The following TULP4 variants were observed in gnomAD, a reference collection of about 807,000 sequenced individuals.
The protein encoded by TULP4 is tubby-related protein 4.
In TULP4, 16 loss-of-function variants were observed where a neutral mutation model predicts 129.0. The ratio of observed to expected loss-of-function variants is 0.12; its 90% CI spans 0.08 to 0.19. TULP4 has a LOEUF of 0.19. Ranked by LOEUF, TULP4 falls within the 10% of genes least tolerant of loss-of-function variation. The pLI is 1.00. For missense variants in TULP4, 1,842 were observed against 2,059.1 expected (o/e 0.89, Z 2.04); for synonymous variants, 998 against 854.0 (o/e 1.17, Z -2.94).
intron 5 of TULP4, among the ~76,000 whole-genome samples, chr6:158,452,710 G>A (rs528121661): frequency 2.0e-5 from 3 of 152,352 alleles, no homozygotes; most frequent in African/African-American, 4.8e-5. Flanking sequence ...ATCACTGTGC[G>A]ATAAAGTTAC....
At chr6:158,376,849 G>A (rs1430508073) in intron 1 of TULP4, among the ~76,000 whole-genome samples, 1 of 152,242 alleles carries the variant, frequency 6.6e-6, no homozygotes, top group African/African-American at 2.4e-5. Flanking sequence ...AGTAGCTGCG[G>A]CAGCCATCCC....
chr6:158,319,915 G>T (rs541881734), intron 1 of TULP4, among the ~76,000 whole-genome samples: 2 of 152,242 alleles, frequency 1.3e-5, no homozygotes, highest in East Asian at 3.9e-4. Flanking sequence ...TATGTTAATG[G>T]TTCTAATCAG....
chr6:158,415,394 G>T (rs1778185088), intron 2 of TULP4, among the ~76,000 whole-genome samples: 2 of 145,318 alleles, frequency 1.4e-5, no homozygotes, highest in South Asian at 4.4e-4. Flanking sequence ...CTGTCGCCCA[G>T]GCTGGAGTGC....
At chr6:158,446,370 A>G (rs1277251356) in intron 3 of TULP4, among the ~76,000 whole-genome samples, 2 of 152,306 alleles carry the variant, frequency 1.3e-5, no homozygotes, top group South Asian at 2.1e-4. Context: ...GTAATTCATT[A>G]ATGGTAGTGG....
intron 1 of TULP4, among the ~76,000 whole-genome samples, chr6:158,319,237 C>T (rs1004620831): frequency 1.3e-5 from 2 of 152,008 alleles, no homozygotes; most frequent in Admixed American, 1.3e-4. Flanking sequence ...CAGGAGCTCC[C>T]CTTGTAGGAC....
intron 6 of TULP4, among the ~76,000 whole-genome samples, chr6:158,475,613 C>G (rs945447530): frequency 1.3e-5 from 2 of 152,132 alleles, no homozygotes; most frequent in African/African-American, 4.8e-5. Context: ...GCCTAGTAGG[C>G]GGAGGTTCTT....
chr6:158,298,154 G>C (rs1347485792), intron 1 of TULP4, among the ~76,000 whole-genome samples: 1 of 152,140 alleles, frequency 6.6e-6, no homozygotes, highest in African/African-American at 2.4e-5. Context: ...CCTTATGGTT[G>C]TCTTCCCTTG....
rs2011305 is a variant in TULP4 at position 158,405,307 on chromosome 6, G to A, written c.253-7758G>A. Among the ~76,000 whole-genome samples, 1,009 of 152,286 alleles carry A rather than the reference G, an allele frequency of 6.6e-3. 7 individuals carry two copies. The highest frequency in any genetic ancestry group is 0.022 in the African/African-American group (918 of 41,546). ...GGGTGATCAGACCCAACACCAGGTC[G>A]TGGGGGTGACGAAGTCCAGCGGAGT... On this transcript the variant is annotated intron_variant, in intron 1 of 13. Transcript: ENST00000367097.
chr6:158,326,987 G>A (rs572009731), intron 1 of TULP4, among the ~76,000 whole-genome samples: 2 of 152,234 alleles, frequency 1.3e-5, no homozygotes, highest in Admixed American at 6.5e-5. Flanking sequence ...GGCTGACTGC[G>A]GGATTTGAGT....
intron 2 of TULP4, among the ~76,000 whole-genome samples, chr6:158,426,958 A>G (rs1364171612): frequency 6.6e-6 from 1 of 152,050 alleles, no homozygotes; most frequent in Admixed American, 6.5e-5. Flanking sequence ...CTGTATTCCT[A>G]GGCATTTTAT....
At chr6:158,315,348 A>G (rs1170089167) in intron 1 of TULP4, among the ~76,000 whole-genome samples, 1 of 152,110 alleles carries the variant, frequency 6.6e-6, no homozygotes, top group Non-Finnish European at 1.5e-5. Flanking sequence ...TGAGGCCACT[A>G]ATCCCATACA....
chr6:158,413,017 C>T lies in TULP4; in HGVS notation c.253-48C>T, dbSNP rs1778130964. ...GATCACATCACAGAAATAATCCTGG[C>T]CCACAGATTTATTTCCTGTGGTAAA... On this transcript the variant is annotated intron_variant, in intron 1 of 13. Transcript: ENST00000367097. The surrounding 1 kb of genome is among the most constrained non-coding windows in gnomAD (Gnocchi z 4.9). 6.4e-7 allele frequency: 1 copy of T among 1,573,152 alleles called. No homozygotes were observed. The highest frequency in any genetic ancestry group is 1.2e-5 in the South Asian group (1 of 86,022).
intron 1 of TULP4, among the ~76,000 whole-genome samples, chr6:158,395,672 G>A (rs1034719332): frequency 7.5e-6 from 1 of 132,558 alleles, no homozygotes; most frequent in African/African-American, 2.7e-5. Flanking sequence ...GATGGGCGGG[G>A]GGGGGGTCAT....
At chr6:158,244,051 G>A (rs991983630) in intron 1 of TULP4, among the ~76,000 whole-genome samples, 13 of 152,062 alleles carry the variant, frequency 8.5e-5, no homozygotes, top group African/African-American at 2.7e-4. Context: ...AAATTTTTTC[G>A]CATAACATTA....
upstream of TULP4, among the ~76,000 whole-genome samples, chr6:158,310,762 C>T (rs1342578488): frequency 6.6e-6 from 1 of 152,148 alleles, no homozygotes; most frequent in Non-Finnish European, 1.5e-5. Flanking sequence ...GCAAGCAGTT[C>T]ATTTTGCAAC....
Position 158,416,456 on chromosome 6 carries a change from G to GA in TULP4, c.381+3273dup, listed in dbSNP as rs55817565. On this transcript the variant is annotated intron_variant, in intron 2 of 13. Transcript: ENST00000367097. ...AGTTTTTAACAAAAACATTTAAAAAGAAAAAAAAAATTAATAGAAAAAGCT... is the reference window on the plus strand; with the variant it reads ...AGTTTTTAACAAAAACATTTAAAAAGAAAAAAAAAAATTAATAGAAAAAGCT... Among the ~76,000 whole-genome samples the GA allele has an allele frequency of 6.1e-4, 90 of 146,886 alleles. 1 individual carries two copies. In the South Asian group the frequency reaches 8.1e-3, roughly 13 times the overall value.
At chr6:158,250,402 T>A (rs557615485) in intron 1 of TULP4, among the ~76,000 whole-genome samples, 59 of 150,818 alleles carry the variant, frequency 3.9e-4, no homozygotes, top group African/African-American at 1.3e-3. Flanking sequence ...GTGATCTGCC[T>A]GCCTTGGCCT....
intron 13 of TULP4, among the ~76,000 whole-genome samples, chr6:158,505,495 C>G (rs1412747525): frequency 1.3e-5 from 2 of 152,244 alleles, no homozygotes; most frequent in African/African-American, 4.8e-5. Context: ...GTGTGACCCA[C>G]AAAGCTTAAA....
upstream of TULP4, among the ~76,000 whole-genome samples, chr6:158,308,662 G>A (rs1238172619): frequency 1.8e-4 from 25 of 139,450 alleles, no homozygotes; most frequent in South Asian, 2.3e-4. Context: ...CGGACGGGGC[G>A]GCTGGCCGGG....
Sources: gnomAD v4.1 joint callset for allele counts (sites outside exome capture counted in the v4.1 genomes callset) on GRCh38, gnomAD v4.1.1 for gene constraint, Gnocchi (gnomAD v3.1) non-coding constraint, MANE v1.5 for transcripts, NCBI Gene and HGNC (gene_info 2026-07-23, HGNC 2026-07-21) for gene names.